NYAP2: variants seen among roughly 807,000 people sequenced by gnomAD.
The protein encoded by NYAP2 is neuronal tyrosine-phosphorylated phosphoinositide-3-kinase adaptor 2.
NYAP2 carries 23 observed loss-of-function variants against 50.4 expected under a neutral mutation model. That is an observed-to-expected ratio of 0.46 (90% CI 0.33 to 0.65). NYAP2 has a LOEUF of 0.65. Among genes scored for constraint, NYAP2 ranks in the 30% least tolerant of loss-of-function variants. The pLI is 0.02. For missense variants in NYAP2, 885 were observed against 861.0 expected (o/e 1.03, Z -0.35); for synonymous variants, 394 against 365.2 (o/e 1.08, Z -0.90).
chr2:225,557,655 C>G (rs1691803038), intron 4 of NYAP2, among the ~76,000 whole-genome samples: 1 of 152,042 alleles, frequency 6.6e-6, no homozygotes, highest in Non-Finnish European at 1.5e-5. Flanking sequence ...AATAAAACAG[C>G]CATGTATTTA....
chr2:225,519,028 A>G (rs1471509539), intron 4 of NYAP2, among the ~76,000 whole-genome samples: 1 of 152,078 alleles, frequency 6.6e-6, no homozygotes, highest in East Asian at 1.9e-4. Context: ...AAAAATAAAT[A>G]AAATGAAAAT....
chr2:225,487,398 C>T (rs1284086302), intron 3 of NYAP2, among the ~76,000 whole-genome samples: 1 of 151,860 alleles, frequency 6.6e-6, no homozygotes, highest in African/African-American at 2.4e-5. Flanking sequence ...CTTGCTCTGT[C>T]ACCCAGGCTG....
At chr2:225,568,715 C>G (rs1218833826) in intron 4 of NYAP2, among the ~76,000 whole-genome samples, 1 of 152,176 alleles carries the variant, frequency 6.6e-6, no homozygotes, top group Non-Finnish European at 1.5e-5. Context: ...CACCAATAAG[C>G]TCACATAAAC....
chr2:225,499,644 A>C (rs1447864726), intron 3 of NYAP2, among the ~76,000 whole-genome samples: 1 of 152,150 alleles, frequency 6.6e-6, no homozygotes, highest in African/African-American at 2.4e-5. Flanking sequence ...TGGTGGTAGA[A>C]GCCAGAGTAC....
At chr2:225,407,629 A>G (rs180729301) in intron 2 of NYAP2, among the ~76,000 whole-genome samples, 5 of 152,142 alleles carry the variant, frequency 3.3e-5, no homozygotes, top group Admixed American at 3.3e-4. Context: ...TGAAAAAGTG[A>G]AAGTCTGGGA....
chr2:225,671,482 T>C, the NYAP2 span, among the ~76,000 whole-genome samples: 94,602 of 151,912 alleles, frequency 0.62, 30,524 homozygotes, highest in South Asian at 0.82. Flanking sequence ...AATTCTAGTT[T>C]TCTTGTTATA....
chr2:225,455,196 A>G (rs563778411), intron 3 of NYAP2, among the ~76,000 whole-genome samples: 1 of 152,246 alleles, frequency 6.6e-6, no homozygotes, highest in South Asian at 2.1e-4. Context: ...GACCCATTTC[A>G]GACTCCTGAA....
chr2:225,454,678 T>C (rs1413714956), intron 3 of NYAP2, among the ~76,000 whole-genome samples: 2 of 152,186 alleles, frequency 1.3e-5, no homozygotes, highest in Non-Finnish European at 2.9e-5. Context: ...TGAACCCTAT[T>C]GTGAACTACG....
At chr2:225,542,526 A>T (rs1212343763) in intron 4 of NYAP2, among the ~76,000 whole-genome samples, 1 of 152,136 alleles carries the variant, frequency 6.6e-6, no homozygotes, top group Non-Finnish European at 1.5e-5. Context: ...AATTGAAATG[A>T]TCATATGATT....
At chr2:225,575,246 T>A (rs986281986) in intron 4 of NYAP2, among the ~76,000 whole-genome samples, 3 of 152,198 alleles carry the variant, frequency 2.0e-5, no homozygotes, top group Non-Finnish European at 4.4e-5. Flanking sequence ...CTTTAGAGCT[T>A]ACAGCTGGTC....
At chr2:225,551,160 C>G (rs548307379) in intron 4 of NYAP2, among the ~76,000 whole-genome samples, 2 of 152,308 alleles carry the variant, frequency 1.3e-5, no homozygotes, top group African/African-American at 4.8e-5. Flanking sequence ...CCTGTGACAG[C>G]TACTTTAGTG....
intron 3 of NYAP2, among the ~76,000 whole-genome samples, chr2:225,436,797 A>G (rs916974412): frequency 6.7e-6 from 1 of 150,238 alleles, no homozygotes; most frequent in Non-Finnish European, 1.5e-5. Flanking sequence ...GTTTCTTCTC[A>G]GGTAAAATTA....
the NYAP2 span, among the ~76,000 whole-genome samples, chr2:225,669,619 T>C: frequency 1.3e-5 from 2 of 152,218 alleles, no homozygotes; most frequent in Non-Finnish European, 2.9e-5. Flanking sequence ...ATATCCAGAA[T>C]GTTCTGGGAA....
chr2:225,549,352 C>T (rs190140394), intron 4 of NYAP2, among the ~76,000 whole-genome samples: 1 of 152,052 alleles, frequency 6.6e-6, no homozygotes, highest in Non-Finnish European at 1.5e-5. Context: ...TCCTATAGAA[C>T]AAAATTTATA....
At chr2:225,433,957 A>G (rs1373865031) in intron 3 of NYAP2, among the ~76,000 whole-genome samples, 2 of 152,152 alleles carry the variant, frequency 1.3e-5, no homozygotes, top group Non-Finnish European at 2.9e-5. Flanking sequence ...ATGATTTGGA[A>G]TGGCATGTAT....
rs148268297 is a variant in NYAP2 at position 225,441,174 on chromosome 2, G to A, written c.221+32073G>A. Among the ~76,000 whole-genome samples, 656 of 152,272 alleles carry A rather than the reference G, an allele frequency of 4.3e-3. 5 individuals are homozygous for A. The highest frequency in any genetic ancestry group is 0.015 in the African/African-American group (623 of 41,552). On this transcript the variant is annotated intron_variant, in intron 3 of 6. Transcript: ENST00000636099. ...GAGCTACGTATTCCACAGGCATGAA[G>A]CTCTGCAGATCAGTGAATCCCTCTA...
At chr2:225,476,574 TA>T (rs1183713288) in intron 3 of NYAP2, among the ~76,000 whole-genome samples, 1 of 152,170 alleles carries the variant, frequency 6.6e-6, no homozygotes, top group Non-Finnish European at 1.5e-5. Context: ...GACACACTTT[TA>T]AATTTAATCT....
intron 5 of NYAP2, among the ~76,000 whole-genome samples, chr2:225,587,835 A>T (rs1692414617): frequency 6.6e-6 from 1 of 151,956 alleles, no homozygotes; most frequent in Admixed American, 6.6e-5. Flanking sequence ...TTACAAAAAA[A>T]AAAAGCTATA....
At chr2:225,398,630 G>GAA (rs906733769), upstream of NYAP2, among the ~76,000 whole-genome samples, 4 of 151,402 alleles carry the variant, frequency 2.6e-5, no homozygotes, top group African/African-American at 9.7e-5. Flanking sequence ...AAGGCAGAGA[G>GAA]AGAGAGAGAG....
Sources: allele counts gnomAD v4.1 joint callset (sites outside exome capture counted in the v4.1 genomes callset), GRCh38; gene constraint gnomAD v4.1.1; transcripts MANE v1.5; gene names NCBI Gene and HGNC (gene_info 2026-07-23, HGNC 2026-07-21).